The following BRCA1 variants were observed in gnomAD, a reference collection of about 807,000 sequenced individuals.
BRCA1 encodes breast cancer type 1 susceptibility protein.
In BRCA1, 140 loss-of-function variants were observed where a neutral mutation model predicts 173.7. The observed-to-expected ratio is 0.81, with a 90% CI of 0.70 to 0.93. BRCA1 has a LOEUF of 0.93. Ranked by LOEUF, BRCA1 falls within the 40% of genes least tolerant of loss-of-function variation. The pLI is 0.00. For missense variants in BRCA1, 1,983 were observed against 2,172.5 expected (o/e 0.91, Z 1.73); for synonymous variants, 662 against 756.0 (o/e 0.88, Z 2.04).
At chr17:43,110,826 C>T (rs987589039) in intron 3 of BRCA1, among the ~76,000 whole-genome samples, 2 of 151,782 alleles carry the variant, frequency 1.3e-5, no homozygotes, top group Non-Finnish European at 2.9e-5. Context: ...AAAGGCTGGG[C>T]GTGGTGGCTA....
intron 1 of BRCA1, among the ~76,000 whole-genome samples, chr17:43,165,064 G>A (rs2056258630): frequency 6.6e-6 from 1 of 152,054 alleles, no homozygotes. Flanking sequence ...TTTTATACCA[G>A]ATAAGCTAAA....
intron 11 of BRCA1, among the ~76,000 whole-genome samples, chr17:43,088,647 T>C (rs1179211404): frequency 1.3e-5 from 2 of 152,170 alleles, no homozygotes; most frequent in African/African-American, 4.8e-5. Context: ...CTTCAGAAAG[T>C]TCATAAAAAA....
intron 11 of BRCA1, among the ~76,000 whole-genome samples, chr17:43,088,821 C>G (rs1023074500): frequency 2.0e-5 from 3 of 152,174 alleles, no homozygotes; most frequent in Non-Finnish European, 4.4e-5. Flanking sequence ...TAGCCCAGTA[C>G]AGAACTCTCA....
intron 14 of BRCA1, 77 bp downstream of exon 14, chr17:43,074,254 G>T: frequency 1.3e-6 from 2 of 1,500,084 alleles, no homozygotes; most frequent in South Asian, 1.2e-5. Flanking sequence ...TCTAAAAGTT[G>T]GTTAACCAGA....
intron 1 of BRCA1, chr17:43,144,680 G>C (rs2056105684): frequency 5.4e-6 from 1 of 185,480 alleles, no homozygotes; most frequent in African/African-American, 2.4e-5. Flanking sequence ...ATGTCTTACT[G>C]CATGGCTAGA....
intron 3 of BRCA1, among the ~76,000 whole-genome samples, chr17:43,115,421 G>A (rs2055217913): frequency 6.6e-6 from 1 of 151,726 alleles, no homozygotes; most frequent in Non-Finnish European, 1.5e-5. Context: ...AGAATCGCTT[G>A]AACTCGGGGG....
In BRCA1 at chr17:43,058,278, G is replaced by C. The variant is rs576772942; in HGVS notation, c.5194-1143C>G. 2.0e-5 allele frequency among the ~76,000 whole-genome samples: 3 copies of C among 152,020 alleles called. No homozygotes were observed. The East Asian group carries it at 5.8e-4, about 29-fold the overall frequency. On this transcript the variant is annotated intron_variant, in intron 18 of 22. Transcript: ENST00000357654. The stretch of plus-strand genomic sequence containing the variant: ...AGTCCCAATTTCTTGAAAAGCTGAA[G>C]CTGGAGGATCACTTGAGCCCAGGAG...
At position 43,092,793 on chromosome 17, in the gene BRCA1, T is replaced by C. The variant is rs199954851; in HGVS notation, c.2738A>G (p.Asn913Ser). The C allele has an allele frequency of 6.2e-7, 1 of 1,614,014 alleles. No individual in the cohort carries two copies. Among genetic ancestry groups the C allele is most frequent in the Admixed American group, 1.7e-5 (1 of 59,994 alleles). ...CTGTACAGGCTTGATATTAGACTCA[T>C]TCTTTCCTTGATTTTCTTCCTTTTG... ...CEQKEENQGK[N>S]ESNIKPVQTV... Residue 913 changes from asparagine (N) to serine (S), a missense_variant, in exon 10 of 23, where the codon AAT becomes AGT. By Grantham distance (46) the Asn-to-Ser change is conservative (BLOSUM62 1). Transcript: ENST00000357654.
chr17:43,086,034 T>G (rs1351914252), intron 11 of BRCA1, among the ~76,000 whole-genome samples: 3 of 151,974 alleles, frequency 2.0e-5, no homozygotes, highest in Non-Finnish European at 4.4e-5. Context: ...TTGAAGCAAC[T>G]TTGCAATGAG....
chr17:43,105,779 C>T (rs2054734592), intron 4 of BRCA1, among the ~76,000 whole-genome samples: 1 of 152,100 alleles, frequency 6.6e-6, no homozygotes, highest in South Asian at 2.1e-4. Context: ...AAAATTACTA[C>T]TCTCATAGAA....
chr17:43,075,934 AT>A (rs1244004856), intron 13 of BRCA1, among the ~76,000 whole-genome samples: 1 of 151,976 alleles, frequency 6.6e-6, no homozygotes, highest in Non-Finnish European at 1.5e-5. Flanking sequence ...TCTACCAAAA[AT>A]ACAAAAACTT....
At chr17:43,153,674 A>G (rs1489535564) in intron 1 of BRCA1, 2 of 152,096 alleles carry the variant, frequency 1.3e-5, no homozygotes, top group Non-Finnish European at 2.9e-5. Flanking sequence ...CAATCCCATC[A>G]GTCTCTCTGA....
rs1597881112 is a variant in BRCA1 at position 43,095,317 on chromosome 17, C to G, written c.671-457G>C. On this transcript the variant is annotated intron_variant, in intron 9 of 22. Transcript: ENST00000357654. ...AAAGGGCAGGCCAGGCACAGTGGCT[C>G]AAGCCTGTAACTGCAGCACTTTGGG... Among the ~76,000 whole-genome samples, 4 of 152,198 alleles carry G rather than the reference C, an allele frequency of 2.6e-5. No individual in the cohort carries two copies. The South Asian group carries it at 8.3e-4, about 32-fold the overall frequency.
intron 9 of BRCA1, 73 bp from the exon 10 acceptor site, chr17:43,094,933 T>G (rs1245635145): frequency 7.1e-7 from 1 of 1,408,608 alleles, no homozygotes; most frequent in Non-Finnish European, 9.7e-7. Flanking sequence ...TTCATACACC[T>G]TGGAGGTGGA....
rs1258744250 is a variant in BRCA1 at position 43,051,052 on chromosome 17, C to T, written c.5332+11G>A. 6.2e-7 allele frequency: 1 copy of T among 1,613,402 alleles called. No individual in the cohort carries two copies. The highest frequency in any genetic ancestry group is 8.5e-7 in the Non-Finnish European group (1 of 1,179,370). On this transcript the variant is annotated intron_variant, in intron 20 of 22. Coordinates refer to ENST00000357654, the MANE Select transcript of BRCA1 (RefSeq NM_007294.4). ...TGGTGCTGGAACTCTGGGGTTCTCC[C>T]AGGCTCTTACCTGTGGGCATGTTGG...
At chr17:43,069,911 G>A (rs1424438414) in intron 15 of BRCA1, among the ~76,000 whole-genome samples, 2 of 152,152 alleles carry the variant, frequency 1.3e-5, no homozygotes, top group East Asian at 3.9e-4. Flanking sequence ...TCTCATCATA[G>A]TTTTAAAGAA....
At chr17:43,128,731 C>G (rs1597929354), upstream of BRCA1, among the ~76,000 whole-genome samples, 1 of 152,112 alleles carries the variant, frequency 6.6e-6, no homozygotes, top group East Asian at 1.9e-4. Context: ...TTTCGAGACC[C>G]CGTTAAAGAG....
In BRCA1 at chr17:43,049,425, A is replaced by G. The variant is rs1370196973; in HGVS notation, c.5333-231T>C. ...ATCAGTCTCCATAAGGCCACTTGGT[A>G]TAAGGTTTGATAGTCTCTCAAATAA... is the stretch of plus-strand genomic sequence containing the variant. On this transcript the variant is annotated intron_variant, in intron 20 of 22. Coordinates refer to ENST00000357654, the MANE Select transcript of BRCA1 (RefSeq NM_007294.4). Among the ~76,000 whole-genome samples, 1 of 152,152 alleles carries G rather than the reference A, an allele frequency of 6.6e-6. No homozygotes were observed. Among genetic ancestry groups the G allele is most frequent in the Non-Finnish European group, 1.5e-5 (1 of 68,032 alleles).
At chr17:43,094,920 T>C (rs2054071313) in intron 9 of BRCA1, 60 bp from the exon 10 acceptor site, 1 of 1,456,922 alleles carries the variant, frequency 6.9e-7, no homozygotes, top group African/African-American at 1.4e-5. Flanking sequence ...AAAAAATACA[T>C]ACTTCATACA....
Sources: gnomAD v4.1 joint callset for allele counts (sites outside exome capture counted in the v4.1 genomes callset) on GRCh38, gnomAD v4.1.1 for gene constraint, MANE v1.5 for transcripts, NCBI Gene and HGNC (gene_info 2026-07-23, HGNC 2026-07-21) for gene names.